The following MNAT1 variants were observed in gnomAD, a reference collection of about 807,000 sequenced individuals.
The protein encoded by MNAT1 is MNAT1 component of CDK activating kinase.
MNAT1 carries 43 observed loss-of-function variants against 42.0 expected under a neutral mutation model. The ratio of observed to expected loss-of-function variants is 1.02; its 90% CI spans 0.80 to 1.32. The LOEUF (loss-of-function observed/expected upper bound fraction) is 1.32, where lower values mean the gene tolerates loss of function less well. Among genes scored for constraint, MNAT1 ranks in the 40% most tolerant of loss-of-function variants. MNAT1 has a pLI of 0.00. For synonymous variants in MNAT1, 118 were observed against 120.0 expected (o/e 0.98, Z 0.11); for missense variants, 306 against 350.4 (o/e 0.87, Z 1.01).
chr14:60,796,178 C>A, intron 1 of MNAT1, 39 bp from the exon 2 acceptor site: 1 of 1,574,732 alleles, frequency 6.4e-7, no homozygotes, highest in Non-Finnish European at 8.6e-7. Context: ...TAGATTTGAA[C>A]ATTGGCTTAA....
intron 7 of MNAT1, among the ~76,000 whole-genome samples, chr14:60,932,096 T>C (rs1281859892): frequency 6.6e-6 from 1 of 152,038 alleles, no homozygotes; most frequent in Non-Finnish European, 1.5e-5. Context: ...TCAAGTTTTC[T>C]AGTATATGTC....
intron 4 of MNAT1, 33 bp downstream of exon 4, chr14:60,808,461 C>A: frequency 7.8e-7 from 1 of 1,281,860 alleles, no homozygotes. Flanking sequence ...CTTATTTTGT[C>A]TTAGAAACAA....
intron 1 of MNAT1, among the ~76,000 whole-genome samples, chr14:60,769,420 T>C (rs2030966845): frequency 6.6e-6 from 1 of 152,034 alleles, no homozygotes; most frequent in Non-Finnish European, 1.5e-5. Flanking sequence ...CACAGGCATA[T>C]GCCATCAGGC....
chr14:60,887,663 G>C (rs1007588909), intron 7 of MNAT1, among the ~76,000 whole-genome samples: 1 of 151,824 alleles, frequency 6.6e-6, no homozygotes, highest in African/African-American at 2.4e-5. Context: ...CCAGGAGCTG[G>C]TTTTTTGAAA....
At chr14:60,944,070 T>C (rs1049683988) in intron 7 of MNAT1, among the ~76,000 whole-genome samples, 12 of 152,234 alleles carry the variant, frequency 7.9e-5, no homozygotes, top group African/African-American at 2.9e-4. Context: ...GGCATTTCTA[T>C]AATTAACTAA....
At chr14:60,939,064 G>A (rs568946282) in intron 7 of MNAT1, among the ~76,000 whole-genome samples, 11 of 152,024 alleles carry the variant, frequency 7.2e-5, no homozygotes, top group Non-Finnish European at 1.3e-4. Context: ...TATTTCTGTG[G>A]GATCGGTGGT....
chr14:60,812,589 T>C (rs1317854995), intron 5 of MNAT1, among the ~76,000 whole-genome samples: 2 of 152,248 alleles, frequency 1.3e-5, no homozygotes, highest in African/African-American at 4.8e-5. Context: ...TTTCCTCTGA[T>C]TGATCCCCAC....
chr14:60,823,371 G>A (rs114924388), intron 6 of MNAT1, among the ~76,000 whole-genome samples: 230 of 152,202 alleles, frequency 1.5e-3, no homozygotes, highest in African/African-American at 5.2e-3. Flanking sequence ...GCCTGAAGGG[G>A]TATCTTACCC....
At chr14:60,833,773 T>C (rs914429533) in intron 6 of MNAT1, among the ~76,000 whole-genome samples, 1 of 152,216 alleles carries the variant, frequency 6.6e-6, no homozygotes, top group Non-Finnish European at 1.5e-5. Context: ...TTTGTACCTC[T>C]GGTAGTATTC....
At chr14:60,854,502 T>C (rs1201596972) in intron 6 of MNAT1, among the ~76,000 whole-genome samples, 2 of 152,164 alleles carry the variant, frequency 1.3e-5, no homozygotes, top group Non-Finnish European at 2.9e-5. Context: ...GGGTCCTTTA[T>C]GTTGATGTTG....
At chr14:60,853,662 G>A (rs1211631708) in intron 6 of MNAT1, among the ~76,000 whole-genome samples, 4 of 152,152 alleles carry the variant, frequency 2.6e-5, no homozygotes, top group African/African-American at 4.8e-5. Flanking sequence ...TGCCCATTCA[G>A]TATGATATTG....
chr14:60,836,133 C>G (rs1048063035), intron 6 of MNAT1, among the ~76,000 whole-genome samples: 1 of 152,074 alleles, frequency 6.6e-6, no homozygotes, highest in African/African-American at 2.4e-5. Flanking sequence ...TTAGCAATTC[C>G]TCTAACCTTT....
intron 7 of MNAT1, among the ~76,000 whole-genome samples, chr14:60,964,507 A>G (rs981479007): frequency 1.4e-4 from 22 of 152,186 alleles, no homozygotes; most frequent in Non-Finnish European, 2.6e-4. Flanking sequence ...AAAATAAGGT[A>G]TAGGTACCAA....
At chr14:60,752,373 A>T (rs1490694601) in intron 1 of MNAT1, among the ~76,000 whole-genome samples, 1 of 152,206 alleles carries the variant, frequency 6.6e-6, no homozygotes, top group Non-Finnish European at 1.5e-5. Context: ...TTTTTTAAAA[A>T]ATGTATTTTA....
chr14:60,749,241 A>G (rs2029965237), intron 1 of MNAT1, among the ~76,000 whole-genome samples: 1 of 152,200 alleles, frequency 6.6e-6, no homozygotes, highest in South Asian at 2.1e-4. Flanking sequence ...TATGTTCTCA[A>G]ACTTGTATTC....
intron 5 of MNAT1, among the ~76,000 whole-genome samples, chr14:60,814,257 C>T (rs2139357019): frequency 6.6e-6 from 1 of 152,204 alleles, no homozygotes; most frequent in South Asian, 2.1e-4. Flanking sequence ...TGTTTTCCAG[C>T]AATTAGCTTC....
chr14:60,768,576 GT>G (rs1331483722), intron 1 of MNAT1, among the ~76,000 whole-genome samples: 1 of 152,160 alleles, frequency 6.6e-6, no homozygotes. Flanking sequence ...ACCTGGGAGG[GT>G]TTTAAAAATT....
In MNAT1 at chr14:60,908,255, G is replaced by A. The variant is rs551804577; in HGVS notation, c.809+28420G>A. On this transcript the variant is annotated intron_variant, in intron 7 of 7. Transcript: ENST00000261245. ...TAAATTTTTTTATTGGAATAATTAT[G>A]TGTACAAAGTGCTATAAAAGGAAAG... Among the ~76,000 whole-genome samples, 72 of 152,208 alleles carry A rather than the reference G, an allele frequency of 4.7e-4. 1 individual carries two copies. In the Middle Eastern group the frequency reaches 0.02, roughly 43 times the overall value.
At chr14:60,865,339 G>A (rs1374106038) in intron 6 of MNAT1, among the ~76,000 whole-genome samples, 2 of 152,010 alleles carry the variant, frequency 1.3e-5, no homozygotes, top group African/African-American at 2.4e-5. Context: ...GTCATTGTTG[G>A]ATAAAGTTCA....
Sources: gnomAD v4.1 joint callset for allele counts (sites outside exome capture counted in the v4.1 genomes callset) on GRCh38, gnomAD v4.1.1 for gene constraint, MANE v1.5 for transcripts, NCBI Gene and HGNC (gene_info 2026-07-23, HGNC 2026-07-21) for gene names.